The following CACNA1E variants were observed in gnomAD, a reference collection of about 807,000 sequenced individuals.
The protein encoded by CACNA1E is calcium voltage-gated channel subunit alpha1 E, also known as voltage-dependent R-type calcium channel subunit alpha-1E.
Under a neutral mutation model 259.2 loss-of-function variants are expected in CACNA1E, and 40 were observed. The ratio of observed to expected loss-of-function variants is 0.15; its 90% CI spans 0.12 to 0.20. The LOEUF is 0.20. Ranked by LOEUF, CACNA1E falls within the 10% of genes least tolerant of loss-of-function variation. The probability of loss-of-function intolerance (pLI) is 1.00; values close to 1 mark genes in which losing one functional copy is unlikely to be tolerated. For missense variants in CACNA1E, 1,874 were observed against 3,040.1 expected, an observed-to-expected ratio of 0.62 and a Z score of 9.02; for synonymous variants, 1,104 against 1,138.5, an observed-to-expected ratio of 0.97 and a Z score of 0.61.
At chr1:181,592,457 C>T (rs1180234856) in intron 6 of CACNA1E, among the ~76,000 whole-genome samples, 1 of 139,726 alleles carries the variant, frequency 7.2e-6, no homozygotes, top group Admixed American at 7.7e-5. Flanking sequence ...GCTTGTCCTG[C>T]CTCACTACAG....
intron 1 of CACNA1E, among the ~76,000 whole-genome samples, chr1:181,350,395 C>T (rs1410279571): frequency 6.6e-6 from 1 of 152,196 alleles, no homozygotes; most frequent in Non-Finnish European, 1.5e-5. Context: ...GAGCCCTGCT[C>T]CTCTGGGGCT....
At chr1:181,327,397 G>T (rs947454512) in intron 1 of CACNA1E, among the ~76,000 whole-genome samples, 6 of 152,092 alleles carry the variant, frequency 3.9e-5, no homozygotes, top group Non-Finnish European at 8.8e-5. Flanking sequence ...TGTGTATGTG[G>T]TATATATATA....
chr1:181,575,561 T>G (rs553028012), intron 3 of CACNA1E, among the ~76,000 whole-genome samples: 1 of 152,330 alleles, frequency 6.6e-6, no homozygotes, highest in African/African-American at 2.4e-5. Flanking sequence ...CTTCTTTGCC[T>G]TTTAATTTTA....
intron 1 of CACNA1E, among the ~76,000 whole-genome samples, chr1:181,404,053 A>G (rs892816112): frequency 2.6e-5 from 4 of 152,174 alleles, no homozygotes; most frequent in African/African-American, 9.7e-5. Context: ...CTTATACTTC[A>G]TTGGCTTTAA....
At chr1:181,437,619 C>G (rs959716659) in intron 2 of CACNA1E, among the ~76,000 whole-genome samples, 1 of 152,162 alleles carries the variant, frequency 6.6e-6, no homozygotes, top group Non-Finnish European at 1.5e-5. Flanking sequence ...TCTCAGAGTA[C>G]TTAGACTCTC....
At chr1:181,348,399 G>T (rs1652779296) in intron 1 of CACNA1E, among the ~76,000 whole-genome samples, 2 of 152,142 alleles carry the variant, frequency 1.3e-5, no homozygotes, top group African/African-American at 4.8e-5. Context: ...CCCACATCTA[G>T]TGCATTCCCC....
At chr1:181,332,968 A>G (rs1240724461) in intron 1 of CACNA1E, among the ~76,000 whole-genome samples, 1 of 152,180 alleles carries the variant, frequency 6.6e-6, no homozygotes, top group East Asian at 1.9e-4. Context: ...CAGAGATACT[A>G]CTAGGTGGAA....
At chr1:181,370,388 A>G (rs1654598360) in intron 1 of CACNA1E, among the ~76,000 whole-genome samples, 1 of 150,954 alleles carries the variant, frequency 6.6e-6, no homozygotes, top group African/African-American at 2.4e-5. Flanking sequence ...CTTCATGCCC[A>G]GGTAGTGAGC....
At chr1:181,477,090 C>CA (rs1426485577) in intron 2 of CACNA1E, among the ~76,000 whole-genome samples, 1 of 152,154 alleles carries the variant, frequency 6.6e-6, no homozygotes, top group Non-Finnish European at 1.5e-5. Flanking sequence ...ATCCTAGATA[C>CA]ATTGAAAGAA....
intron 3 of CACNA1E, among the ~76,000 whole-genome samples, chr1:181,520,919 G>A (rs145592624): frequency 1.4e-4 from 21 of 152,180 alleles, no homozygotes; most frequent in Admixed American, 1.4e-3. Context: ...GCCCCTGTCC[G>A]CCCACATCTG....
At position 181,764,784 on chromosome 1, in the gene CACNA1E, C is replaced by CA. The variant is rs553037967; in HGVS notation, c.4815+1253_4815+1254insA. ...TGGAAACACAACATGCTTTTAAAAC[C>CA]TTTTTTTTTTAGAGGATTGCCCAAC... On this transcript the variant is annotated intron_variant, in intron 34 of 47. Coordinates refer to ENST00000367573, the MANE Select transcript of CACNA1E (RefSeq NM_001205293.3). 8.0e-3 allele frequency among the ~76,000 whole-genome samples: 1,190 copies of CA among 148,448 alleles called. 18 individuals are homozygous for CA. The highest frequency in any genetic ancestry group is 0.028 in the African/African-American group (1,116 of 40,578).
At chr1:181,520,949 G>A (rs943729791) in intron 3 of CACNA1E, among the ~76,000 whole-genome samples, 1 of 152,212 alleles carries the variant, frequency 6.6e-6, no homozygotes, top group Non-Finnish European at 1.5e-5. Flanking sequence ...CAGGAAGGCT[G>A]ACAATGCCCT....
At chr1:181,671,903 A>G (rs1198127470) in intron 7 of CACNA1E, among the ~76,000 whole-genome samples, 1 of 152,254 alleles carries the variant, frequency 6.6e-6, no homozygotes, top group African/African-American at 2.4e-5. Flanking sequence ...CTAGAGGAAT[A>G]TAAATCATTC....
At chr1:181,323,990 TG>T (rs1163282265) in intron 1 of CACNA1E, among the ~76,000 whole-genome samples, 1 of 152,196 alleles carries the variant, frequency 6.6e-6, no homozygotes, top group East Asian at 1.9e-4. Flanking sequence ...AGCCTGGGCT[TG>T]GGGGGCAAAG....
At chr1:181,438,061 G>A (rs1660210002) in intron 2 of CACNA1E, among the ~76,000 whole-genome samples, 1 of 152,164 alleles carries the variant, frequency 6.6e-6, no homozygotes. Context: ...CATCTATGGT[G>A]TGGCTCCAAT....
At chr1:181,590,858 T>C (rs577405101) in intron 6 of CACNA1E, among the ~76,000 whole-genome samples, 18 of 152,232 alleles carry the variant, frequency 1.2e-4, no homozygotes, top group Admixed American at 2.0e-4. Flanking sequence ...TGGGCTTTGA[T>C]GGCATCCATA....
intron 17 of CACNA1E, among the ~76,000 whole-genome samples, chr1:181,725,287 G>A (rs950825813): frequency 1.3e-5 from 2 of 152,198 alleles, no homozygotes; most frequent in African/African-American, 4.8e-5. Flanking sequence ...ATCAGCTTTA[G>A]TAGCTGAGAA....
At chr1:181,553,270 A>G (rs1648375392) in intron 3 of CACNA1E, among the ~76,000 whole-genome samples, 1 of 152,056 alleles carries the variant, frequency 6.6e-6, no homozygotes, top group Admixed American at 6.6e-5. Flanking sequence ...GCGATTGTGA[A>G]TTGGGAGTTC....
intron 7 of CACNA1E, among the ~76,000 whole-genome samples, chr1:181,692,010 A>G (rs1650231134): frequency 1.3e-5 from 2 of 152,134 alleles, no homozygotes; most frequent in South Asian, 2.1e-4. Flanking sequence ...TAGCATTTCT[A>G]TACATCAGTA....
Sources: gnomAD v4.1 joint callset for allele counts (sites outside exome capture counted in the v4.1 genomes callset) on GRCh38, gnomAD v4.1.1 for gene constraint, MANE v1.5 for transcripts, NCBI Gene and HGNC (gene_info 2026-07-23, HGNC 2026-07-21) for gene names.